The following TBL3 variants were observed in gnomAD, a reference collection of about 807,000 sequenced individuals.
TBL3 encodes the protein transducin beta-like protein 3.
A neutral mutation model predicts 102.7 loss-of-function variants in TBL3; 71 were observed. That is an observed-to-expected ratio of 0.69 (90% CI 0.57 to 0.84). TBL3 has a LOEUF of 0.84. TBL3 is among the 40% of genes least tolerant of loss of function. The pLI, the probability that TBL3 is intolerant of heterozygous loss-of-function variation, is 0.00. For synonymous variants in TBL3, 578 were observed against 477.7 expected (o/e 1.21, Z -2.74); for missense variants, 1,188 against 1,098.5 (o/e 1.08, Z -1.15).
Position 1,976,881 on chromosome 16 carries a change from G to A in TBL3, c.1360G>A (p.Ala454Thr). The A allele has an allele frequency of 6.2e-7, 1 of 1,613,986 alleles. No homozygotes were observed. The change falls in exon 14 of 22, where the codon GCC becomes ACC. Residue 454 changes from alanine (A) to threonine (T), a missense_variant. Physicochemically the swap from Ala to Thr is moderately conservative, Grantham distance 58. Transcript: ENST00000568546. Reference protein sequence around the residue: ...CTVKLWPLPKALLSKNTAPDN... With the variant: ...CTVKLWPLPKTLLSKNTAPDN... The stretch of plus-strand genomic sequence containing the variant: ...TGTGAAGCTGTGGCCTCTTCCCAAA[G>A]CCTTGCTGTCCAAGAACACAGCCCC...
Position 1,979,427 on chromosome 16 carries a change from G to A in TBL3, c.*742G>A. 4.4e-6 allele frequency: 7 copies of A among 1,608,158 alleles called. No homozygotes were observed. The African/African-American group carries it at 5.3e-5, about 12-fold the overall frequency. On this transcript the variant is annotated 3_prime_UTR_variant, in exon 22 of 22. Coordinates refer to ENST00000568546, the MANE Select transcript of TBL3 (RefSeq NM_006453.3). The stretch of plus-strand genomic sequence containing the variant: ...TGCCCACGCCCGCTCCCGCGTACCT[G>A]CATAGCCACCAGCCGCGGTCTGACG...
rs1189975230 is a variant in TBL3 at position 1,979,875 on chromosome 16, C to T, written c.*1190C>T. Reference sequence around the variant, plus strand: ...AGGGCGCTGGAAACCAGGCGGTCTGCCGGTCTTCGTTCTCCACCAGCCACC... The same window carrying T: ...AGGGCGCTGGAAACCAGGCGGTCTGTCGGTCTTCGTTCTCCACCAGCCACC... On this transcript the variant is annotated 3_prime_UTR_variant, in exon 22 of 22. Transcript: ENST00000568546. The T allele has an allele frequency of 1.3e-6, 2 of 1,581,744 alleles. No homozygotes were observed. Among genetic ancestry groups the T allele is most frequent in the Non-Finnish European group, 1.7e-6 (2 of 1,165,286 alleles).
At position 1,977,857 on chromosome 16, in the gene TBL3, A is replaced by G. The variant is rs539725545; in HGVS notation, c.1958+57A>G. The G allele has an allele frequency of 2.2e-5, 35 of 1,581,274 alleles. No individual in the cohort carries two copies. In the East Asian group the frequency reaches 7.2e-4, roughly 33 times the overall value. ...ATCAGCCCTGCTCTGTGCTGTAGGG[A>G]AAACGAGGCTGAGTGCCAGGCTCCC... On this transcript the variant is annotated intron_variant, in intron 18 of 21. Transcript: ENST00000568546.
intron 13 of TBL3, 139 bp downstream of exon 13, chr16:1,976,453 A>G: frequency 1.3e-6 from 1 of 751,840 alleles, no homozygotes; most frequent in South Asian, 1.7e-5. Context: ...TGTGGAACAG[A>G]ACAGGACAGG....
rs773089358 is a variant in TBL3 at position 1,979,820 on chromosome 16, G to A, written c.*1135G>A. On this transcript the variant is annotated 3_prime_UTR_variant, in exon 22 of 22. Transcript: ENST00000568546. The stretch of plus-strand genomic sequence containing the variant: ...CTCCCTAGGGACGGGCCTCCCTCCC[G>A]GCCTTGGCCCGGGGCCGCCTCCTCC... 1.9e-6 allele frequency: 3 copies of A among 1,566,584 alleles called. No individual in the cohort carries two copies. The highest frequency in any genetic ancestry group is 2.6e-6 in the Non-Finnish European group (3 of 1,157,482).
rs34396682 is a variant in TBL3, at chr16:1,975,392, G to A, written c.759G>A (p.Leu253=). The A allele has an allele frequency of 1.3e-3, 2,059 of 1,613,994 alleles. 22 individuals are homozygous for A. In the African/African-American group the frequency reaches 0.025, roughly 20 times the overall value. The change falls in exon 9 of 22, where the codon CTG becomes CTA. Residue 253 remains leucine (L), a synonymous_variant. Transcript: ENST00000568546. The part of the protein sequence containing the change: ...VLLPEEPVSQ[L]GVKSPGLYFL... ...TGCCAGAGGAGCCAGTGTCCCAGCTGGGTGTGAAGTCCCCAGGGCTGTACT... is the reference window on the plus strand; with the variant it reads ...TGCCAGAGGAGCCAGTGTCCCAGCTAGGTGTGAAGTCCCCAGGGCTGTACT...
At position 1,977,985 on chromosome 16, in the gene TBL3, T is replaced by C. The variant is rs200612138; in HGVS notation, c.1986T>C (p.His662=). The C allele has an allele frequency of 2.1e-5, 34 of 1,604,162 alleles. No homozygotes were observed. The African/African-American group carries it at 4.3e-4, about 20-fold the overall frequency. Residue 662 remains histidine, a synonymous_variant, in exon 19 of 22, where the codon CAT becomes CAC. Coordinates refer to ENST00000568546, the MANE Select transcript of TBL3 (RefSeq NM_006453.3). ...VRQQELDNLL[H]EKRYLRALGL... ...AGCAAGAGCTGGACAACCTGCTGCA[T>C]GAGAAGCGGTACCTGCGGGCGCTGG...
Position 1,978,823 on chromosome 16 carries a change from A to G in TBL3, c.*138A>G, listed in dbSNP as rs952996694. 4.8e-6 allele frequency: 6 copies of G among 1,261,284 alleles called. No individual in the cohort carries two copies. The Admixed American group carries it at 1.1e-4, about 24-fold the overall frequency. The allele number at this position is 1,261,284 out of a possible 1,614,324, so 78.1% of individuals were successfully genotyped here. A position where few individuals can be genotyped will look rare whatever the true frequency, so the allele number is the denominator to read the frequency against. ...ACCCTACCTAGCCAGCCAGAAGGGC[A>G]CTGGAGCTGATGGTCTCGGCCCTGC... On this transcript the variant is annotated 3_prime_UTR_variant, in exon 22 of 22. Transcript: ENST00000568546.
Position 1,979,066 on chromosome 16 carries a change from T to C in TBL3, c.*381T>C. ...GATCCTCGCGCTCACTGCTCCGTCG[T>C]GGGGTGCGGCACAGAGTCCACGCAC... On this transcript the variant is annotated 3_prime_UTR_variant, in exon 22 of 22. Coordinates refer to ENST00000568546, the MANE Select transcript of TBL3 (RefSeq NM_006453.3). 1.3e-6 allele frequency: 2 copies of C among 1,544,900 alleles called. No homozygotes were observed. The highest frequency in any genetic ancestry group is 2.4e-5 in the South Asian group (2 of 84,616).
Position 1,974,954 on chromosome 16 carries a change from C to T in TBL3, c.491C>T (p.Thr164Ile). The T allele has an allele frequency of 2.5e-6, 4 of 1,610,594 alleles. No homozygotes were observed. The highest frequency in any genetic ancestry group is 1.7e-5 in the Admixed American group (1 of 60,032). The change falls in exon 7 of 22, where the codon ACA becomes ATA. Residue 164 changes from threonine to isoleucine, a missense_variant. Physicochemically the swap from Thr to Ile is moderately conservative, Grantham distance 89 (BLOSUM62 -1). Transcript: ENST00000568546. ...CTAGTGGCCTTCCACCCGGACCCTA[C>T]ACGCCTGCTGCTCTTCTCCTCGGCC... ...VHLVAFHPDP[T>I]RLLLFSSATD...
In TBL3 at chr16:1,980,224, G is replaced by C. The variant is rs1011160058; in HGVS notation, c.*1539G>C. The C allele has an allele frequency of 2.6e-6, 4 of 1,558,486 alleles. No homozygotes were observed. Among genetic ancestry groups the C allele is most frequent in the South Asian group, 1.2e-5 (1 of 86,012 alleles). The stretch of plus-strand genomic sequence containing the variant: ...TACGAGTGAGAGGTAGGCGGATGGG[G>C]AGGGTGAAACTGGGGGCGCCACCCC... On this transcript the variant is annotated 3_prime_UTR_variant, in exon 22 of 22. Transcript: ENST00000568546.
chr16:1,974,362 A>G lies in TBL3; in HGVS notation c.190-14A>G. ...CCACTCACACCGTGCTCGGCACACC[A>G]CTCTTTCTCCTAGGAGGACCAGGAG... On this transcript the variant is annotated splice_polypyrimidine_tract_variant and intron_variant, in intron 3 of 21. Transcript: ENST00000568546. 1 of 1,605,744 alleles carries G rather than the reference A, an allele frequency of 6.2e-7. No individual in the cohort carries two copies. The highest frequency in any genetic ancestry group is 8.5e-7 in the Non-Finnish European group (1 of 1,175,442).
At position 1,980,015 on chromosome 16, in the gene TBL3, G is replaced by T; in HGVS notation, c.*1330G>T. 6.2e-7 allele frequency: 1 copy of T among 1,605,378 alleles called. No individual in the cohort carries two copies. Among genetic ancestry groups the T allele is most frequent in the Admixed American group, 1.7e-5 (1 of 58,834 alleles). ...GCCCTACCTGAGGGGTGCCGCAGCA[G>T]CACGTCCAGGCTCTCCTGGGCCTGC... On this transcript the variant is annotated 3_prime_UTR_variant, in exon 22 of 22. Transcript: ENST00000568546.
chr16:1,977,174 C>T lies in TBL3; in HGVS notation c.1561C>T (p.Arg521Trp), dbSNP rs529676663. 25 of 1,613,046 alleles carry T rather than the reference C, an allele frequency of 1.5e-5. 1 individual carries two copies. Among genetic ancestry groups the T allele is most frequent in the African/African-American group, 1.1e-4 (8 of 75,032 alleles). Residue 521 changes from arginine to tryptophan, a missense_variant, in exon 15 of 22, where the codon CGG becomes TGG. Coordinates refer to ENST00000568546, the MANE Select transcript of TBL3 (RefSeq NM_006453.3). Reference protein sequence around the residue: ...CQLLGVFSGHRRGLWCVQFSP... With the variant: ...CQLLGVFSGHWRGLWCVQFSP... Reference sequence around the variant, plus strand: ...GCTGCTGGGTGTCTTCTCAGGCCACCGGCGTGGCCTCTGGTGCGTCCAGTT... The same window carrying T: ...GCTGCTGGGTGTCTTCTCAGGCCACTGGCGTGGCCTCTGGTGCGTCCAGTT...
In TBL3 at chr16:1,979,159, T is replaced by C. The variant is rs1373043148; in HGVS notation, c.*474T>C. 8 of 1,461,462 alleles carry C rather than the reference T, an allele frequency of 5.5e-6. No individual in the cohort carries two copies. Among genetic ancestry groups the C allele is most frequent in the Admixed American group, 2.8e-5 (1 of 35,758 alleles). The allele number at this position is 1,461,462 out of a possible 1,614,324, so 90.5% of individuals were successfully genotyped here. A position where few individuals can be genotyped will look rare whatever the true frequency, so the allele number is the denominator to read the frequency against. On this transcript the variant is annotated 3_prime_UTR_variant, in exon 22 of 22. Transcript: ENST00000568546. ...CTGCGTGTGACGGTGCAGCAGCGGC[T>C]CTGGATGGCGCCCGGCGAAGGTCGG...
At position 1,975,142 on chromosome 16, in the gene TBL3, G is replaced by A. The variant is rs776254894; in HGVS notation, c.635+44G>A. Reference sequence around the variant, plus strand: ...TAGGAGGGGGAGGCTTGGAAAGTGGGGGCTGAGGCTAAGACTTGACCTGAG... The same window carrying A: ...TAGGAGGGGGAGGCTTGGAAAGTGGAGGCTGAGGCTAAGACTTGACCTGAG... On this transcript the variant is annotated intron_variant, in intron 7 of 21. Coordinates refer to ENST00000568546, the MANE Select transcript of TBL3 (RefSeq NM_006453.3). 8 of 1,613,372 alleles carry A rather than the reference G, an allele frequency of 5.0e-6. No homozygotes were observed. The East Asian group carries it at 6.7e-5, about 13-fold the overall frequency.
In TBL3 at chr16:1,978,575, A is replaced by G. The variant is rs1399094096; in HGVS notation, c.2317A>G (p.Arg773Gly). 6.2e-7 allele frequency: 1 copy of G among 1,611,964 alleles called. No homozygotes were observed. ...AGAGCGGCACTTTCAGCGGCTCAGC[A>G]GGACCCTCCAGGCCGCCGCTTTCTT... ...YTERHFQRLS[R>G]TLQAAAFLDF... The change falls in exon 22 of 22, where the codon AGG becomes GGG. Residue 773 changes from arginine to glycine, a missense_variant. By Grantham distance (125) the Arg-to-Gly change is moderately radical. Transcript: ENST00000568546.
At position 1,980,176 on chromosome 16, in the gene TBL3, AC is replaced by A. The variant is rs1277622717; in HGVS notation, c.*1494del. 6.3e-7 allele frequency: 1 copy of A among 1,598,592 alleles called. No individual in the cohort carries two copies. Among genetic ancestry groups the A allele is most frequent in the Non-Finnish European group, 8.5e-7 (1 of 1,175,628 alleles). On this transcript the variant is annotated 3_prime_UTR_variant, in exon 22 of 22. Transcript: ENST00000568546. ...CTGCTCCTCTGGGGTGGGCAGGATC[AC>A]CCGGCTGGGAAGGGCAGCCCGTACG...
At position 1,975,167 on chromosome 16, in the gene TBL3, G is replaced by A; in HGVS notation, c.636-20G>A. On this transcript the variant is annotated intron_variant, in intron 7 of 21. Transcript: ENST00000568546. ...GGGCTGAGGCTAAGACTTGACCTGA[G>A]GTTGCCGTTGCTCCTTCAGCTCCGG... 4 of 1,613,754 alleles carry A rather than the reference G, an allele frequency of 2.5e-6. No homozygotes were observed. Among genetic ancestry groups the A allele is most frequent in the Non-Finnish European group, 3.4e-6 (4 of 1,180,020 alleles).
Sources: gnomAD v4.1 joint callset for allele counts on GRCh38, gnomAD v4.1.1 for gene constraint, MANE v1.5 for transcripts, NCBI Gene and HGNC (gene_info 2026-07-23, HGNC 2026-07-21) for gene names.